Variants in PLCL1 observed in about 807,000 individuals in gnomAD.
PLCL1 encodes phospholipase C like 1 (inactive), also known as inactive phospholipase C-like protein 1.
A neutral mutation model predicts 84.4 loss-of-function variants in PLCL1; 41 were observed. The ratio of observed to expected loss-of-function variants is 0.49; its 90% CI spans 0.38 to 0.63. PLCL1 has a LOEUF of 0.63. PLCL1 is among the 30% of genes least tolerant of loss of function. The pLI is 0.00. For synonymous variants in PLCL1, 490 were observed against 488.3 expected, an observed-to-expected ratio of 1.00 and a Z score of -0.05; for missense variants, 1,206 against 1,367.8, an observed-to-expected ratio of 0.88 and a Z score of 1.87.
At chr2:197,934,359 T>C (rs1290753913) in intron 1 of PLCL1, among the ~76,000 whole-genome samples, 3 of 152,220 alleles carry the variant, frequency 2.0e-5, no homozygotes, top group African/African-American at 7.2e-5. Context: ...CATGGAAGTT[T>C]GTAAATGTGC....
chr2:197,947,244 A>ATG (rs1689296289), intron 1 of PLCL1, among the ~76,000 whole-genome samples: 1 of 148,120 alleles, frequency 6.8e-6, no homozygotes, highest in Non-Finnish European at 1.5e-5. Flanking sequence ...ATAAATATAT[A>ATG]TATATATATA....
intron 1 of PLCL1, among the ~76,000 whole-genome samples, chr2:197,971,529 G>A (rs1490449448): frequency 6.6e-6 from 1 of 152,170 alleles, no homozygotes; most frequent in African/African-American, 2.4e-5. Context: ...TGGCTAAGGA[G>A]CGGCAGGGGA....
chr2:198,047,165 A>ATGTG (rs10560234), intron 1 of PLCL1, among the ~76,000 whole-genome samples: 34 of 148,844 alleles, frequency 2.3e-4, no homozygotes, highest in East Asian at 1.4e-3. Flanking sequence ...ATGTGTGTGT[A>ATGTG]TGTGTGTGTG....
At chr2:198,105,072 T>C (rs2105914959) in intron 5 of PLCL1, among the ~76,000 whole-genome samples, 2 of 152,160 alleles carry the variant, frequency 1.3e-5, no homozygotes, top group South Asian at 4.1e-4. Context: ...TTTGGTGTCT[T>C]TGTCATGAAA....
chr2:198,003,267 C>T (rs1690649446), intron 1 of PLCL1, among the ~76,000 whole-genome samples: 1 of 152,018 alleles, frequency 6.6e-6, no homozygotes, highest in African/African-American at 2.4e-5. Context: ...AAACAAGGGG[C>T]ACTTCTTGCC....
At chr2:197,984,429 G>A (rs1287198387) in intron 1 of PLCL1, among the ~76,000 whole-genome samples, 1 of 151,768 alleles carries the variant, frequency 6.6e-6, no homozygotes, top group African/African-American at 2.4e-5. Flanking sequence ...GATTTCCAAG[G>A]AAGTTGAAGG....
intron 1 of PLCL1, among the ~76,000 whole-genome samples, chr2:198,012,378 G>C (rs927856558): frequency 1.3e-5 from 2 of 152,100 alleles, no homozygotes; most frequent in Admixed American, 1.3e-4. Context: ...TTATTTTTGA[G>C]AACTACAATT....
intron 1 of PLCL1, among the ~76,000 whole-genome samples, chr2:197,911,114 G>A (rs989726799): frequency 2.0e-5 from 3 of 151,982 alleles, no homozygotes; most frequent in African/African-American, 4.8e-5. Context: ...AGGCTGAGGC[G>A]GGCAGATCAC....
intron 3 of PLCL1, among the ~76,000 whole-genome samples, chr2:198,089,657 A>T (rs1202723830): frequency 6.6e-6 from 1 of 152,246 alleles, no homozygotes; most frequent in East Asian, 1.9e-4. Context: ...ATATAGCCAC[A>T]CTTAGTTGCA....
chr2:198,110,352 A>T (rs1693587177), intron 5 of PLCL1, among the ~76,000 whole-genome samples: 1 of 151,852 alleles, frequency 6.6e-6, no homozygotes, highest in African/African-American at 2.4e-5. Flanking sequence ...AAGAGCAGAG[A>T]TTGAAGCTTC....
At chr2:198,005,067 C>T (rs988029293) in intron 1 of PLCL1, among the ~76,000 whole-genome samples, 1 of 152,178 alleles carries the variant, frequency 6.6e-6, no homozygotes, top group Non-Finnish European at 1.5e-5. Context: ...AATATTCAGA[C>T]AAGGCAGGGT....
intron 5 of PLCL1, among the ~76,000 whole-genome samples, chr2:198,136,600 G>C (rs556362910): frequency 6.6e-6 from 1 of 152,190 alleles, no homozygotes; most frequent in Admixed American, 6.6e-5. Flanking sequence ...TCGTCAGCTA[G>C]TGTGTTCTGC....
At chr2:198,098,122 T>C (rs1340911554) in intron 3 of PLCL1, among the ~76,000 whole-genome samples, 2 of 152,166 alleles carry the variant, frequency 1.3e-5, no homozygotes, top group Admixed American at 1.3e-4. Context: ...AATCGAAACC[T>C]AGTTTTTTTG....
intron 1 of PLCL1, among the ~76,000 whole-genome samples, chr2:198,017,545 T>C (rs79909932): frequency 0.024 from 3,647 of 152,324 alleles, 167 homozygotes; most frequent in African/African-American, 0.083. Context: ...TGTCTTAATG[T>C]AACCCTAAGA....
intron 1 of PLCL1, among the ~76,000 whole-genome samples, chr2:197,815,696 C>T (rs1292093856): frequency 6.6e-6 from 1 of 152,088 alleles, no homozygotes; most frequent in African/African-American, 2.4e-5. Context: ...AAAATATCAA[C>T]ATTAGCAGGA....
At chr2:197,974,938 G>A (rs1689940804) in intron 1 of PLCL1, among the ~76,000 whole-genome samples, 1 of 151,798 alleles carries the variant, frequency 6.6e-6, no homozygotes, top group Non-Finnish European at 1.5e-5. Flanking sequence ...TCAGGAGATC[G>A]AGACCATCCT....
At chr2:198,117,679 G>A (rs959708643) in intron 5 of PLCL1, among the ~76,000 whole-genome samples, 1 of 151,842 alleles carries the variant, frequency 6.6e-6, no homozygotes, top group African/African-American at 2.4e-5. Context: ...CCAAGAAACT[G>A]ATATCTAAGA....
At chr2:197,895,128 A>C (rs1190036220) in intron 1 of PLCL1, among the ~76,000 whole-genome samples, 1 of 152,052 alleles carries the variant, frequency 6.6e-6, no homozygotes, top group Non-Finnish European at 1.5e-5. Context: ...TTAATAAAAG[A>C]GATACAAGTG....
At chr2:197,954,495 T>C (rs543181561) in intron 1 of PLCL1, among the ~76,000 whole-genome samples, 11 of 152,166 alleles carry the variant, frequency 7.2e-5, no homozygotes, top group African/African-American at 2.6e-4. Flanking sequence ...ATCTCTATGG[T>C]TTTTCAGCAT....
Sources: gnomAD v4.1 joint callset for allele counts (sites outside exome capture counted in the v4.1 genomes callset) on GRCh38, gnomAD v4.1.1 for gene constraint, MANE v1.5 for transcripts, NCBI Gene and HGNC (gene_info 2026-07-23, HGNC 2026-07-21) for gene names.